Variants in DYNC2H1 observed in about 807,000 individuals in gnomAD.
DYNC2H1 encodes the protein cytoplasmic dynein 2 heavy chain 1.
In DYNC2H1, 410 loss-of-function variants were observed where a neutral mutation model predicts 570.0. The observed-to-expected ratio is 0.72, with a 90% CI of 0.66 to 0.78. The LOEUF (loss-of-function observed/expected upper bound fraction) is 0.78. Ranked by LOEUF, DYNC2H1 falls within the 30% of genes least tolerant of loss-of-function variation. The pLI, the probability that DYNC2H1 is intolerant of heterozygous loss-of-function variation, is 0.00. For missense variants in DYNC2H1, 4,865 were observed against 5,046.4 expected, an observed-to-expected ratio of 0.96 and a Z score of 1.09; for synonymous variants, 1,688 against 1,677.6, an observed-to-expected ratio of 1.01 and a Z score of -0.15.
intron 82 of DYNC2H1, among the ~76,000 whole-genome samples, chr11:103,349,434 T>C (rs1364854511): frequency 6.6e-6 from 1 of 152,084 alleles, no homozygotes; most frequent in African/African-American, 2.4e-5. Flanking sequence ...TTACTATCAG[T>C]AGGTAGGATT....
intron 82 of DYNC2H1, among the ~76,000 whole-genome samples, chr11:103,354,181 CAAAAAAAA>C (rs71465391): frequency 8.5e-6 from 1 of 117,216 alleles, no homozygotes; most frequent in African/African-American, 3.4e-5. Context: ...TGTCTCAAAA[CAAAAAAAA>C]AAAAAAAAAA....
rs1235968607 is a variant in DYNC2H1, at chr11:103,319,164, GAATT to G, written c.11726-1857_11726-1854del. 6.6e-6 allele frequency among the ~76,000 whole-genome samples: 1 copy of G among 152,070 alleles called. No homozygotes were observed. Among genetic ancestry groups the G allele is most frequent in the African/African-American group, 2.4e-5 (1 of 41,414 alleles). On this transcript the variant is annotated intron_variant, in intron 80 of 88. Transcript: ENST00000375735. This position sits in a 1 kb window ranked among gnomAD's most constrained non-coding sequence, Gnocchi z 4.3. ...ATCATTGTGTTTCACGTTTGTGATA[GAATT>G]AATTAATAGCATTGTAAGACATAGA...
rs781649585 is a variant in DYNC2H1 at position 103,113,552 on chromosome 11, A to C, written c.211A>C (p.Thr71Pro). The stretch of plus-strand genomic sequence containing the variant: ...ATCACTTTAGATTGAGTTTGGTGAC[A>C]CAAAAGATAAAGTGCTGGTGTTTTT... Reference protein sequence around the residue: ...SFSNTIEFGDTKDKVLVFFKL... With the variant: ...SFSNTIEFGDPKDKVLVFFKL... Residue 71 changes from threonine to proline, a missense_variant, in exon 2 of 89, where the codon ACA (threonine) becomes CCA (proline). By Grantham distance (38) the Thr-to-Pro change is conservative. Transcript: ENST00000375735. 86 of 1,563,692 alleles carry C rather than the reference A, an allele frequency of 5.5e-5. No homozygotes were observed. The highest frequency in any genetic ancestry group is 7.1e-5 in the Non-Finnish European group (82 of 1,161,494).
chr11:103,433,804 G>A (rs1943974733), intron 84 of DYNC2H1, among the ~76,000 whole-genome samples: 1 of 152,028 alleles, frequency 6.6e-6, no homozygotes. Flanking sequence ...AAAAATAACC[G>A]CATAAATATT....
chr11:103,149,939 AAG>A (rs1860453746), intron 20 of DYNC2H1, among the ~76,000 whole-genome samples: 1 of 152,180 alleles, frequency 6.6e-6, no homozygotes, highest in African/African-American at 2.4e-5. Flanking sequence ...AAAGATAAGA[AAG>A]AGCCAGCCAT....
chr11:103,377,346 G>T (rs1941434967), intron 83 of DYNC2H1, among the ~76,000 whole-genome samples: 1 of 151,962 alleles, frequency 6.6e-6, no homozygotes, highest in South Asian at 2.1e-4. Flanking sequence ...TATTTCAAAA[G>T]ACTTTTCTTC....
intron 21 of DYNC2H1, 83 bp from the exon 22 acceptor site, chr11:103,153,217 TAAA>T: frequency 8.1e-7 from 1 of 1,232,880 alleles, no homozygotes; most frequent in Middle Eastern, 2.8e-4. Flanking sequence ...TTTTCACTTT[TAAA>T]TAGAAAATAT....
At chr11:103,394,957 C>A (rs778160563) in intron 83 of DYNC2H1, among the ~76,000 whole-genome samples, 2 of 151,904 alleles carry the variant, frequency 1.3e-5, no homozygotes, top group African/African-American at 2.4e-5. Context: ...ACTCAAAATG[C>A]TGTTTTCTTT....
intron 35 of DYNC2H1, among the ~76,000 whole-genome samples, chr11:103,173,844 C>T (rs1861678384): frequency 6.6e-6 from 1 of 152,108 alleles, no homozygotes; most frequent in Non-Finnish European, 1.5e-5. Context: ...TTAGCTTGTT[C>T]ATAAAAGCTT....
In DYNC2H1 at chr11:103,114,115, A is replaced by G. The variant is rs990683499; in HGVS notation, c.379A>G (p.Ser127Gly). The change falls in exon 3 of 89, where the codon AGC becomes GGC. Residue 127 changes from serine to glycine, a missense_variant. By Grantham distance (56) the Ser-to-Gly change is moderately conservative. Coordinates refer to ENST00000375735, the MANE Select transcript of DYNC2H1 (RefSeq NM_001377.3). Reference sequence around the variant, plus strand: ...TGTTTTTATTTAGGATCAGGAATGGAGCAGAAACTTTGATCCCAAACTTCA... The same window carrying G: ...TGTTTTTATTTAGGATCAGGAATGGGGCAGAAACTTTGATCCCAAACTTCA... Reference protein sequence around the residue: ...APMLLKDQEWSRNFDPKLQNL... With the variant: ...APMLLKDQEWGRNFDPKLQNL... 1.2e-6 allele frequency: 2 copies of G among 1,610,252 alleles called. No individual in the cohort carries two copies. Among genetic ancestry groups the G allele is most frequent in the African/African-American group, 1.3e-5 (1 of 74,898 alleles).
Position 103,241,896 on chromosome 11 carries a change from G to A in DYNC2H1, c.9820-1797G>A, listed in dbSNP as rs1009968474. Among the ~76,000 whole-genome samples, 6 of 151,998 alleles carry A rather than the reference G, an allele frequency of 3.9e-5. No homozygotes were observed. Among genetic ancestry groups the A allele is most frequent in the South Asian group, 2.1e-4 (1 of 4,818 alleles). On this transcript the variant is annotated intron_variant, in intron 63 of 88. Transcript: ENST00000375735. This position sits in a 1 kb window ranked among gnomAD's most constrained non-coding sequence, Gnocchi z 5.1. ...ATAATAATAAAGCTGTTTTAAAGTC[G>A]TTCTTCTCTTTAATATCACCGTGTG...
At position 103,138,545 on chromosome 11, in the gene DYNC2H1, G is replaced by A. The variant is rs1399410967; in HGVS notation, c.2574+2597G>A. Among the ~76,000 whole-genome samples the A allele has an allele frequency of 2.0e-5, 3 of 152,310 alleles. No homozygotes were observed. In the East Asian group the frequency reaches 5.8e-4, roughly 29 times the overall value. On this transcript the variant is annotated intron_variant, in intron 17 of 88. Transcript: ENST00000375735. ...GATTTGTGTATATTGAACTAGCCTT[G>A]CATCCCAGGGATGAAGCCCACTTGA...
At chr11:103,345,202 T>C (rs1179328168) in intron 82 of DYNC2H1, among the ~76,000 whole-genome samples, 1 of 152,220 alleles carries the variant, frequency 6.6e-6, no homozygotes, top group African/African-American at 2.4e-5. Context: ...TCTTTATTGT[T>C]ATTGTACAAT....
intron 88 of DYNC2H1, among the ~76,000 whole-genome samples, chr11:103,478,106 C>T (rs1047030877): frequency 3.3e-5 from 5 of 152,014 alleles, no homozygotes; most frequent in African/African-American, 9.7e-5. Flanking sequence ...AATGCAGTAG[C>T]GATTGCATTG....
chr11:103,174,495 A>G (rs970784536), intron 36 of DYNC2H1, among the ~76,000 whole-genome samples: 3 of 152,162 alleles, frequency 2.0e-5, no homozygotes, highest in African/African-American at 2.4e-5. Flanking sequence ...TTTAACTTCA[A>G]TGTCCATTGG....
At chr11:103,193,511 T>A (rs1171113878) in intron 47 of DYNC2H1, among the ~76,000 whole-genome samples, 2 of 152,066 alleles carry the variant, frequency 1.3e-5, no homozygotes, top group African/African-American at 4.8e-5. Context: ...TTCTCTTCAG[T>A]GAAAGGTTTT....
rs368419534 is a variant in DYNC2H1, at chr11:103,192,138, G to C, written c.7582G>C (p.Ala2528Pro). 1.9e-6 allele frequency: 3 copies of C among 1,553,404 alleles called. No individual in the cohort carries two copies. The highest frequency in any genetic ancestry group is 4.7e-5 in the East Asian group (2 of 42,826). Reference protein sequence around the residue: ...HPLDYVLEIVAYEARRLFRDK... With the variant: ...HPLDYVLEIVPYEARRLFRDK... ...ACTAGATTATGTGTTAGAAATTGTA[G>C]CATATGAGGCACGGCGCTTATTTCG... The change falls in exon 47 of 89, where the codon GCA (alanine) becomes CCA (proline). Residue 2528 changes from alanine (A) to proline (P), a missense_variant. Coordinates refer to ENST00000375735, the MANE Select transcript of DYNC2H1 (RefSeq NM_001377.3).
rs975302831 is a variant in DYNC2H1, at chr11:103,154,504, G to C, written c.3356G>C (p.Ser1119Thr). 5.7e-6 allele frequency: 9 copies of C among 1,568,242 alleles called. No homozygotes were observed. The African/African-American group carries it at 9.5e-5, about 17-fold the overall frequency. ...GAGCCTAATTTCTCCCTGGCAAGTA[G>C]TATCTCTAAAGATATCGAGAGCTGT... ...LEEPNFSLAS[S>T]ISKDIESCAQ... The change falls in exon 23 of 89, where the codon AGT (serine) becomes ACT (threonine). Residue 1119 changes from serine (S) to threonine (T), a missense_variant. Ser to Thr is a moderately conservative substitution (Grantham distance 58). This residue lies in a region of DYNC2H1 where 1,936 missense variants were observed against 1,962.1 expected (regional missense o/e 0.99). Coordinates refer to ENST00000375735, the MANE Select transcript of DYNC2H1 (RefSeq NM_001377.3).
intron 38 of DYNC2H1, 118 bp from the exon 39 acceptor site, chr11:103,178,908 T>A (rs1254144865): frequency 6.9e-6 from 7 of 1,014,738 alleles, no homozygotes; most frequent in Non-Finnish European, 9.8e-6. Context: ...GCATGGGTTC[T>A]TCAGCATATT....
Sources: gnomAD v4.1 joint callset for allele counts (sites outside exome capture counted in the v4.1 genomes callset) on GRCh38, gnomAD v4.1.1 for gene constraint, gnomAD v4.1.1 regional missense constraint, Gnocchi (gnomAD v3.1) non-coding constraint, MANE v1.5 for transcripts, NCBI Gene and HGNC (gene_info 2026-07-23, HGNC 2026-07-21) for gene names.